The following OXA1L variants were observed in gnomAD, a reference collection of about 807,000 sequenced individuals.
OXA1L encodes OXA1L mitochondrial inner membrane insertase, also known as mitochondrial inner membrane protein OXA1L.
Under a neutral mutation model 52.2 loss-of-function variants are expected in OXA1L, and 42 were observed. The ratio of observed to expected loss-of-function variants is 0.80; its 90% CI spans 0.63 to 1.04. The LOEUF (loss-of-function observed/expected upper bound fraction) is 1.04, where lower values mean the gene tolerates loss of function less well. Ranked by LOEUF, OXA1L falls within the 50% of genes least tolerant of loss-of-function variation. OXA1L has a pLI of 0.00. For synonymous variants in OXA1L, 239 were observed against 201.9 expected (o/e 1.18, Z -1.56); for missense variants, 572 against 555.0 (o/e 1.03, Z -0.31).
rs56136068 is a variant in OXA1L, at chr14:22,772,488, C to CAAAAAAAAAAAAAA, written c.*948_*961dup. The CAAAAAAAAAAAAAA allele has an allele frequency of 1.2e-4, 9 of 76,000 alleles. 1 individual carries two copies. The highest frequency in any genetic ancestry group is 4.2e-4 in the East Asian group (1 of 2,362). The allele number at this position is 76,000 out of a possible 1,614,324, so 4.7% of individuals were successfully genotyped here. ...TGGGCAAGAGAGTGAGACTCCTTCT[C>CAAAAAAAAAAAAAA]AAAAAAAAAAAAAAAAAAAAAAAAA... On this transcript the variant is annotated 3_prime_UTR_variant, in exon 10 of 10. Transcript: ENST00000612549.
At chr14:22,770,650 A>C in intron 6 of OXA1L, 25 bp downstream of exon 6, 1 of 1,605,252 alleles carries the variant, frequency 6.2e-7, no homozygotes, top group Non-Finnish European at 8.5e-7. Flanking sequence ...GCCAAGTGCC[A>C]GGCCTGCAAA....
intron 1 of OXA1L, chr14:22,767,028 A>G: frequency 2.0e-6 from 3 of 1,535,956 alleles, no homozygotes. Context: ...TGGGTCTGCG[A>G]TAACTGAGAT....
chr14:22,768,711 A>G (rs549975286), intron 3 of OXA1L: 2 of 156,060 alleles, frequency 1.3e-5, no homozygotes, highest in Admixed American at 1.2e-4. Flanking sequence ...TTCACTTACT[A>G]TCCTATCTTC....
chr14:22,766,898 T>C, intron 1 of OXA1L, 134 bp downstream of exon 1: 5 of 1,532,618 alleles, frequency 3.3e-6, no homozygotes, highest in Non-Finnish European at 4.4e-6. Context: ...CCTCGGGTCA[T>C]GTGAGGACGC....
intron 1 of OXA1L, chr14:22,767,047 C>G (rs2038412140): frequency 6.5e-7 from 1 of 1,536,100 alleles, no homozygotes; most frequent in Non-Finnish European, 8.7e-7. Context: ...ATGCGGGGAA[C>G]CCAGGTTCGA....
chr14:22,768,204 G>T, intron 3 of OXA1L, 33 bp downstream of exon 3: 2 of 1,534,162 alleles, frequency 1.3e-6, no homozygotes, highest in Non-Finnish European at 9.0e-7. Context: ...ATGGGTTAGG[G>T]ATTTAACCTC....
chr14:22,771,738 GC>G lies in OXA1L; in HGVS notation c.*182del. 1 of 654,902 alleles carries G rather than the reference GC, an allele frequency of 1.5e-6. No homozygotes were observed. Among genetic ancestry groups the G allele is most frequent in the Non-Finnish European group, 2.6e-6 (1 of 378,788 alleles). The allele number at this position is 654,902 out of a possible 1,614,324, so 40.6% of individuals were successfully genotyped here. A position where few individuals can be genotyped will look rare whatever the true frequency, so the allele number is the denominator to read the frequency against. ...TATGTTTATAAGAGAGCACTGGGTA[GC>G]CAAGTGATCTTCCCATTCACAGAGT... On this transcript the variant is annotated 3_prime_UTR_variant, in exon 10 of 10. Coordinates refer to ENST00000612549, the MANE Select transcript of OXA1L (RefSeq NM_005015.5).
At position 22,767,240 on chromosome 14, in the gene OXA1L, A is replaced by T; in HGVS notation, c.64-8A>T. The T allele has an allele frequency of 6.3e-7, 1 of 1,599,452 alleles. No homozygotes were observed. Reference sequence around the variant, plus strand: ...TAAAGGGGCTCCATCATCCTTTTACACGCTCAGGTCCACAGCGTCGCAGGG... The same window carrying T: ...TAAAGGGGCTCCATCATCCTTTTACTCGCTCAGGTCCACAGCGTCGCAGGG... On this transcript the variant is annotated splice_region_variant and splice_polypyrimidine_tract_variant and intron_variant, in intron 1 of 9. Coordinates refer to ENST00000612549, the MANE Select transcript of OXA1L (RefSeq NM_005015.5).
chr14:22,767,467 T>C, intron 2 of OXA1L, 58 bp downstream of exon 2: 2 of 1,486,314 alleles, frequency 1.3e-6, no homozygotes, highest in Non-Finnish European at 9.1e-7. Flanking sequence ...TGGTTTCATA[T>C]TTTGTTTTGT....
intron 6 of OXA1L, 62 bp downstream of exon 6, chr14:22,770,687 G>A: frequency 1.3e-6 from 2 of 1,573,840 alleles, no homozygotes; most frequent in Admixed American, 1.7e-5. Flanking sequence ...GGGTAAAGTA[G>A]TTGTACAGAA....
intron 3 of OXA1L, among the ~76,000 whole-genome samples, chr14:22,769,561 TA>T (rs777372929): frequency 7.9e-5 from 12 of 152,244 alleles, no homozygotes; most frequent in Non-Finnish European, 1.6e-4. Context: ...ACAGGATTCC[TA>T]ATCATCTGCT....
chr14:22,770,737 A>G, intron 6 of OXA1L, 68 bp from the exon 7 acceptor site: 2 of 1,528,886 alleles, frequency 1.3e-6, no homozygotes, highest in African/African-American at 2.7e-5. Context: ...TTGATGGGTA[A>G]GAGATTAGAG....
rs750260610 is a variant in OXA1L at position 22,767,427 on chromosome 14, C to T, written c.225+18C>T. The T allele has an allele frequency of 6.3e-7, 1 of 1,581,370 alleles. No homozygotes were observed. Among genetic ancestry groups the T allele is most frequent in the Non-Finnish European group, 8.6e-7 (1 of 1,166,378 alleles). On this transcript the variant is annotated intron_variant, in intron 2 of 9. Coordinates refer to ENST00000612549, the MANE Select transcript of OXA1L (RefSeq NM_005015.5). ...AAGTCCAGGTAAGAGGCCTTTCGTT[C>T]CTGCAATATTAGGAGTGGTGTTTCC...
chr14:22,768,095 A>C lies in OXA1L; in HGVS notation c.363A>C (p.Pro121=). The change falls in exon 3 of 10, where the codon CCA becomes CCC. Residue 121 remains proline (P), a synonymous_variant. Transcript: ENST00000612549. ...FAELGLGSYT[P]VGLIQNLLEF... ...AACTGGGGCTGGGGTCATACACCCCAGTGGGACTGATCCAGAATTTACTGG... is the reference window on the plus strand; with the variant it reads ...AACTGGGGCTGGGGTCATACACCCCCGTGGGACTGATCCAGAATTTACTGG... 6.2e-7 allele frequency: 1 copy of C among 1,614,230 alleles called. No homozygotes were observed.
In OXA1L at chr14:22,771,730, A is replaced by G. The variant is rs1477307481; in HGVS notation, c.*172A>G. ...CTTGTACTTATGTTTATAAGAGAGC[A>G]CTGGGTAGCCAAGTGATCTTCCCAT... On this transcript the variant is annotated 3_prime_UTR_variant, in exon 10 of 10. Coordinates refer to ENST00000612549, the MANE Select transcript of OXA1L (RefSeq NM_005015.5). The G allele has an allele frequency of 9.0e-5, 62 of 687,990 alleles. No homozygotes were observed. In the East Asian group the frequency reaches 1.6e-3, roughly 18 times the overall value. 42.6% of individuals were successfully genotyped at this position (687,990 alleles called of 1,614,324 possible).
chr14:22,771,475 C>A lies in OXA1L; in HGVS notation c.1225C>A (p.Pro409Thr). Reference protein sequence around the residue: ...QTFTHNPLLQPGKDNPPNIPS... With the variant: ...QTFTHNPLLQTGKDNPPNIPS... ...CTTTACCCACAACCCTCTCCTACAA[C>A]CTGGAAAGGATAACCCTCCCAATAT... Residue 409 changes from proline (P) to threonine (T), a missense_variant, in exon 10 of 10, where the codon CCT becomes ACT. Coordinates refer to ENST00000612549, the MANE Select transcript of OXA1L (RefSeq NM_005015.5). 1 of 1,613,784 alleles carries A rather than the reference C, an allele frequency of 6.2e-7. No individual in the cohort carries two copies. Among genetic ancestry groups the A allele is most frequent in the South Asian group, 1.1e-5 (1 of 91,062 alleles).
Position 22,771,075 on chromosome 14 carries a change from C to T in OXA1L, c.997C>T (p.Leu333Phe). 1 of 1,614,184 alleles carries T rather than the reference C, an allele frequency of 6.2e-7. No individual in the cohort carries two copies. Among genetic ancestry groups the T allele is most frequent in the Non-Finnish European group, 8.5e-7 (1 of 1,180,012 alleles). ...NLFSLVQVSCLRIPAVRTVLK... is the reference protein window; with the variant it reads ...NLFSLVQVSCFRIPAVRTVLK... ...GTTTTCCCTGGTCCAAGTATCCTGT[C>T]TCCGGATTCCAGCAGTACGCACTGT... Residue 333 changes from leucine to phenylalanine, a missense_variant, in exon 8 of 10, where the codon CTC becomes TTC. Physicochemically the swap from Leu to Phe is conservative, Grantham distance 22. Coordinates refer to ENST00000612549, the MANE Select transcript of OXA1L (RefSeq NM_005015.5).
At position 22,772,694 on chromosome 14, in the gene OXA1L, T is replaced by A. The variant is rs2038492432; in HGVS notation, c.*1136T>A. 6.6e-6 allele frequency: 1 copy of A among 152,206 alleles called. No homozygotes were observed. Among genetic ancestry groups the A allele is most frequent in the Admixed American group, 6.6e-5 (1 of 15,264 alleles). 9.4% of individuals were successfully genotyped at this position (152,206 alleles called of 1,614,324 possible). A position where few individuals can be genotyped will look rare whatever the true frequency, so the allele number is the denominator to read the frequency against. ...GTAGATGTGTGCAAATTCTTAGTGA[T>A]AATTAAGAATGAAAGTTCCAGGCTG... On this transcript the variant is annotated 3_prime_UTR_variant, in exon 10 of 10. Coordinates refer to ENST00000612549, the MANE Select transcript of OXA1L (RefSeq NM_005015.5).
Position 22,767,375 on chromosome 14 carries a change from T to G in OXA1L, c.191T>G (p.Leu64Arg). The G allele has an allele frequency of 6.2e-7, 1 of 1,613,454 alleles. No homozygotes were observed. The highest frequency in any genetic ancestry group is 8.5e-7 in the Non-Finnish European group (1 of 1,179,732). The change falls in exon 2 of 10, where the codon CTC (leucine) becomes CGC (arginine). Residue 64 changes from leucine (L) to arginine (R), a missense_variant. By Grantham distance (102) the Leu-to-Arg change is moderately radical. Coordinates refer to ENST00000612549, the MANE Select transcript of OXA1L (RefSeq NM_005015.5). ...CTTGCGGCTTCCGGCCCCCGCAGCC[T>G]CAGTACCTCTGCTATCTCTTTTGCA... is the stretch of plus-strand genomic sequence containing the variant. ...LFLAASGPRS[L>R]STSAISFAEV... is the part of the protein sequence containing the mutation.
Sources: allele counts gnomAD v4.1 joint callset (sites outside exome capture counted in the v4.1 genomes callset), GRCh38; gene constraint gnomAD v4.1.1; transcripts MANE v1.5; gene names NCBI Gene and HGNC (gene_info 2026-07-23, HGNC 2026-07-21).